SLC38A9: variants seen among roughly 807,000 people sequenced by gnomAD.
SLC38A9 encodes neutral amino acid transporter 9.
SLC38A9 carries 48 observed loss-of-function variants against 62.3 expected under a neutral mutation model. The ratio of observed to expected loss-of-function variants is 0.77; its 90% CI spans 0.61 to 0.98. The LOEUF (loss-of-function observed/expected upper bound fraction) is 0.98. Among genes scored for constraint, SLC38A9 ranks in the 50% least tolerant of loss-of-function variants. SLC38A9 has a pLI of 0.00. For synonymous variants in SLC38A9, 204 were observed against 227.7 expected, an observed-to-expected ratio of 0.90 and a Z score of 0.94; for missense variants, 541 against 679.8, an observed-to-expected ratio of 0.80 and a Z score of 2.27.
Position 55,633,859 on chromosome 5 carries a change from A to G in SLC38A9, c.1325T>C (p.Ile442Thr), listed in dbSNP as rs1743928717. Residue 442 changes from isoleucine (I) to threonine (T), a missense_variant, in exon 14 of 16, where the codon ATT (isoleucine) becomes ACT (threonine). Coordinates refer to ENST00000396865, the MANE Select transcript of SLC38A9 (RefSeq NM_173514.4). ...NFPSSDTLSF[I>T]ARIFLLFQMM... The stretch of plus-strand genomic sequence containing the variant: ...CTGGAACAGCAGGAATATCCTTGCA[A>G]TGAAGGACAGGGTGTCACTGCTAGG... The G allele has an allele frequency of 1.2e-6, 2 of 1,613,826 alleles. No individual in the cohort carries two copies. The highest frequency in any genetic ancestry group is 1.7e-6 in the Non-Finnish European group (2 of 1,179,884).
At chr5:55,655,125 C>A (rs1331288527) in intron 9 of SLC38A9, among the ~76,000 whole-genome samples, 1 of 152,176 alleles carries the variant, frequency 6.6e-6, no homozygotes, top group Non-Finnish European at 1.5e-5. Context: ...AAAGCGTGAG[C>A]CACCATGCTC....
At chr5:55,632,943 GT>G (rs1001547698) in intron 14 of SLC38A9, among the ~76,000 whole-genome samples, 112 of 152,062 alleles carry the variant, frequency 7.4e-4, no homozygotes, top group African/African-American at 2.5e-3. Context: ...GTATCTTTGG[GT>G]CTTCTTTCTA....
At position 55,708,963 on chromosome 5, in the gene SLC38A9, A is replaced by C. The variant is rs11748589; in HGVS notation, c.-35+2489T>G. On this transcript the variant is annotated intron_variant, in intron 2 of 15. Transcript: ENST00000396865. ...AGCAAATGGAACCACACCACAAAAA[A>C]GTCACCCTGGTGGAAGCAGTTATGC... Among the ~76,000 whole-genome samples the C allele has an allele frequency of 1.0e-2, 1,523 of 152,346 alleles. 9 individuals carry two copies. Among genetic ancestry groups the C allele is most frequent in the Middle Eastern group, 0.044 (13 of 294 alleles).
chr5:55,664,826 G>A lies in SLC38A9; in HGVS notation c.564C>T (p.Val188=), dbSNP rs1750196937. ...LDTTSWEYPD[V]CRHYFGSFGQ... ...CAAAGGAGCCGAAATAATGTCTGCA[G>A]ACATCTGGATATTCCCAGCTAGTGG... Residue 188 remains valine, a synonymous_variant, in exon 8 of 16, where the codon GTC becomes GTT. Coordinates refer to ENST00000396865, the MANE Select transcript of SLC38A9 (RefSeq NM_173514.4). 5 of 1,569,538 alleles carry A rather than the reference G, an allele frequency of 3.2e-6. No individual in the cohort carries two copies. The highest frequency in any genetic ancestry group is 3.4e-6 in the Non-Finnish European group (4 of 1,161,484).
At chr5:55,687,513 A>G (rs1580356719) in intron 3 of SLC38A9, among the ~76,000 whole-genome samples, 2 of 151,980 alleles carry the variant, frequency 1.3e-5, no homozygotes, top group African/African-American at 4.8e-5. Flanking sequence ...TTGAATCTAT[A>G]AATTGCTTAG....
chr5:55,651,873 C>T (rs1037420767), intron 10 of SLC38A9, among the ~76,000 whole-genome samples: 58 of 151,666 alleles, frequency 3.8e-4, no homozygotes, highest in African/African-American at 1.2e-3. Flanking sequence ...CTGAAATTTT[C>T]GTGTATTTCG....
At chr5:55,631,895 C>A (rs1019537042) in intron 14 of SLC38A9, among the ~76,000 whole-genome samples, 1 of 149,392 alleles carries the variant, frequency 6.7e-6, no homozygotes, top group East Asian at 2.0e-4. Context: ...AGGAGTTAAC[C>A]AAAGGTCCAC....
intron 15 of SLC38A9, among the ~76,000 whole-genome samples, 194 bp downstream of exon 15, chr5:55,627,697 T>A (rs1187557360): frequency 6.6e-6 from 1 of 151,556 alleles, no homozygotes; most frequent in African/African-American, 2.4e-5. Context: ...CTAGAGTGAG[T>A]TCTCCACCAG....
chr5:55,632,046 T>C (rs1348158010), intron 14 of SLC38A9, among the ~76,000 whole-genome samples: 1 of 152,220 alleles, frequency 6.6e-6, no homozygotes, highest in Non-Finnish European at 1.5e-5. Flanking sequence ...AATAAGAGGT[T>C]AACAATTATA....
chr5:55,633,825 A>G lies in SLC38A9; in HGVS notation c.1359T>C (p.Thr453=), dbSNP rs755984131. 13 of 1,614,082 alleles carry G rather than the reference A, an allele frequency of 8.1e-6. No individual in the cohort carries two copies. The African/African-American group carries it at 1.1e-4, about 13-fold the overall frequency. ...ARIFLLFQMM[T]VYPLLGYLAR... ...CCAGGTAGCCTAAGAGTGGGTATAC[A>G]GTCATCATCTGGAACAGCAGGAATA... Residue 453 remains threonine (T), a synonymous_variant, in exon 14 of 16, where the codon ACT becomes ACC. Transcript: ENST00000396865.
chr5:55,678,355 T>C (rs968022489), intron 3 of SLC38A9, among the ~76,000 whole-genome samples: 1 of 152,070 alleles, frequency 6.6e-6, no homozygotes, highest in African/African-American at 2.4e-5. Flanking sequence ...CAGGCTGATC[T>C]CGAGCTCCTG....
At chr5:55,653,066 A>G (rs528082104) in intron 9 of SLC38A9, among the ~76,000 whole-genome samples, 17 of 152,258 alleles carry the variant, frequency 1.1e-4, no homozygotes, top group African/African-American at 4.1e-4. Context: ...TCCTGGATTC[A>G]AGCGATTCTC....
At chr5:55,638,116 G>T (rs1305195133) in intron 12 of SLC38A9, among the ~76,000 whole-genome samples, 1 of 152,170 alleles carries the variant, frequency 6.6e-6, no homozygotes, top group African/African-American at 2.4e-5. Flanking sequence ...AAGTAAAAGT[G>T]GCTCAGGAGC....
intron 6 of SLC38A9, 79 bp from the exon 7 acceptor site, chr5:55,669,400 A>G (rs886220425): frequency 7.3e-7 from 1 of 1,372,092 alleles, no homozygotes; most frequent in African/African-American, 1.5e-5. Flanking sequence ...TACCCTAAAC[A>G]ATCATGATAA....
At chr5:55,698,253 C>T (rs894030920) in intron 2 of SLC38A9, among the ~76,000 whole-genome samples, 13 of 94,196 alleles carry the variant, frequency 1.4e-4, no homozygotes, top group South Asian at 4.3e-4. Flanking sequence ...ATTTTTCCTG[C>T]GGAAAAAAAA....
At chr5:55,648,794 T>C (rs1364794739) in intron 11 of SLC38A9, among the ~76,000 whole-genome samples, 1 of 152,206 alleles carries the variant, frequency 6.6e-6, no homozygotes, top group African/African-American at 2.4e-5. Flanking sequence ...ATATCCCAAT[T>C]ACCCTGATTT....
chr5:55,657,012 C>G (rs1339528305), intron 8 of SLC38A9, among the ~76,000 whole-genome samples: 1 of 152,108 alleles, frequency 6.6e-6, no homozygotes, highest in Non-Finnish European at 1.5e-5. Context: ...AAGCGCCCAC[C>G]ACCACCCCTG....
chr5:55,659,385 TTTTTA>T (rs1317315228), intron 8 of SLC38A9, among the ~76,000 whole-genome samples: 16 of 146,180 alleles, frequency 1.1e-4, no homozygotes, highest in African/African-American at 4.0e-4. Context: ...AAGGTTTTTT[TTTTTA>T]TTTTATTTTG....
At chr5:55,631,269 T>C (rs1431073151) in intron 14 of SLC38A9, among the ~76,000 whole-genome samples, 1 of 152,154 alleles carries the variant, frequency 6.6e-6, no homozygotes, top group Non-Finnish European at 1.5e-5. Flanking sequence ...CCAAAAATTA[T>C]GCTCCAAAGT....
Sources: gnomAD v4.1 joint callset for allele counts (sites outside exome capture counted in the v4.1 genomes callset) on GRCh38, gnomAD v4.1.1 for gene constraint, MANE v1.5 for transcripts, NCBI Gene and HGNC (gene_info 2026-07-23, HGNC 2026-07-21) for gene names.